Variants in SAMD4B observed in about 807,000 individuals in gnomAD.
SAMD4B encodes sterile alpha motif domain containing 4B, also known as protein Smaug homolog 2.
A neutral mutation model predicts 74.5 loss-of-function variants in SAMD4B; 5 were observed. The observed-to-expected ratio is 0.07, with a 90% CI of 0.04 to 0.14. The LOEUF is 0.14. Ranked by LOEUF, SAMD4B falls within the 10% of genes least tolerant of loss-of-function variation. The pLI is 1.00. For missense variants in SAMD4B, 608 were observed against 921.8 expected (o/e 0.66, Z 4.41); for synonymous variants, 373 against 374.9 (o/e 1.00, Z 0.06).
intron 3 of SAMD4B, among the ~76,000 whole-genome samples, chr19:39,358,780 G>A (rs1266088935): frequency 6.6e-6 from 1 of 152,112 alleles, no homozygotes; most frequent in Non-Finnish European, 1.5e-5. Context: ...AACCCCATGA[G>A]GTAGGTCCTG....
chr19:39,388,310 G>A (rs758206371), downstream of SAMD4B: 13 of 1,613,108 alleles, frequency 8.1e-6, no homozygotes, highest in South Asian at 8.8e-5. Flanking sequence ...CACAGATCCA[G>A]GCTAATCAGA....
At chr19:39,373,171 C>G (rs958331646) in intron 4 of SAMD4B, among the ~76,000 whole-genome samples, 2 of 152,186 alleles carry the variant, frequency 1.3e-5, no homozygotes, top group Non-Finnish European at 2.9e-5. Flanking sequence ...CTGTCAACTC[C>G]CGTGGGAACT....
At chr19:39,368,131 A>G (rs1011641167) in intron 3 of SAMD4B, among the ~76,000 whole-genome samples, 1 of 151,950 alleles carries the variant, frequency 6.6e-6, no homozygotes, top group Non-Finnish European at 1.5e-5. Flanking sequence ...GTAGAATGGC[A>G]TGAACTCAGA....
chr19:39,343,320 T>G (rs1268771154), intron 1 of SAMD4B, among the ~76,000 whole-genome samples: 1 of 144,138 alleles, frequency 6.9e-6, no homozygotes, highest in Non-Finnish European at 1.5e-5. Flanking sequence ...CATTTCTGAT[T>G]CCCCCTCCCA....
downstream of SAMD4B, chr19:39,386,683 G>T: frequency 6.2e-7 from 1 of 1,609,318 alleles, no homozygotes; most frequent in Non-Finnish European, 8.5e-7. This position sits in a 1 kb window ranked among gnomAD's most constrained non-coding sequence, Gnocchi z 6.1. Context: ...TGAGCCAGTG[G>T]TGCTTGTTAC....
At chr19:39,373,203 C>G (rs2077407943) in intron 4 of SAMD4B, among the ~76,000 whole-genome samples, 1 of 152,234 alleles carries the variant, frequency 6.6e-6, no homozygotes, top group African/African-American at 2.4e-5. Context: ...CTTCAGCTCC[C>G]TGGGCCTTGA....
chr19:39,349,005 T>C (rs900085227), intron 1 of SAMD4B, among the ~76,000 whole-genome samples: 5 of 152,192 alleles, frequency 3.3e-5, no homozygotes, highest in Non-Finnish European at 7.3e-5. Flanking sequence ...ACACCCACAT[T>C]ACAGATGACA....
At chr19:39,371,423 C>T (rs2077288756) in intron 4 of SAMD4B, among the ~76,000 whole-genome samples, 1 of 152,180 alleles carries the variant, frequency 6.6e-6, no homozygotes, top group South Asian at 2.1e-4. Flanking sequence ...TTTCAGGAAA[C>T]TTAGCAACCT....
intron 3 of SAMD4B, among the ~76,000 whole-genome samples, chr19:39,358,950 G>A (rs892518612): frequency 2.6e-5 from 4 of 152,214 alleles, no homozygotes; most frequent in Non-Finnish European, 4.4e-5. Flanking sequence ...AGTCACAGAA[G>A]CAGCATGATT....
chr19:39,385,176 T>A lies in SAMD4B; in HGVS notation c.*1649T>A. The A allele has an allele frequency of 2.1e-5, 3 of 144,974 alleles. No individual in the cohort carries two copies. The highest frequency in any genetic ancestry group is 2.0e-4 in the East Asian group (1 of 5,088). The allele number at this position is 144,974 out of a possible 1,614,324, so 9.0% of individuals were successfully genotyped here. On this transcript the variant is annotated 3_prime_UTR_variant, in exon 14 of 14. Coordinates refer to ENST00000610417, the MANE Select transcript of SAMD4B (RefSeq NM_001384574.2). ...CTATGCAAGTCCCCCACCCCGGCCC[T>A]CCATGTTTCTGTGCCTTTGCTCATC...
rs1226995144 is a variant in SAMD4B, at chr19:39,370,057, A to C, written c.599A>C (p.His200Pro). The C allele has an allele frequency of 6.2e-7, 1 of 1,612,066 alleles. No homozygotes were observed. Among genetic ancestry groups the C allele is most frequent in the South Asian group, 1.1e-5 (1 of 90,686 alleles). The change falls in exon 4 of 14, where the codon CAC (histidine) becomes CCC (proline). Residue 200 changes from histidine (H) to proline (P), a missense_variant. Transcript: ENST00000610417. ...WQDKPPRENGHVPFHPSSSVP... is the reference protein window; with the variant it reads ...WQDKPPRENGPVPFHPSSSVP... Reference sequence around the variant, plus strand: ...GACAAGCCACCCCGGGAAAATGGACACGTGCCCTTCCACCCATCCAGCTCA... The same window carrying C: ...GACAAGCCACCCCGGGAAAATGGACCCGTGCCCTTCCACCCATCCAGCTCA...
chr19:39,388,245 C>A, downstream of SAMD4B: 1 of 1,259,120 alleles, frequency 7.9e-7, no homozygotes, highest in Non-Finnish European at 1.1e-6. Context: ...ATGACAAATT[C>A]TTAGGTACAA....
rs974785041 is a variant in SAMD4B at position 39,378,858 on chromosome 19, C to T, written c.1530+269C>T. Among the ~76,000 whole-genome samples, 4 of 152,198 alleles carry T rather than the reference C, an allele frequency of 2.6e-5. No individual in the cohort carries two copies. The highest frequency in any genetic ancestry group is 4.8e-5 in the African/African-American group (2 of 41,452). On this transcript the variant is annotated intron_variant, in intron 9 of 13. Coordinates refer to ENST00000610417, the MANE Select transcript of SAMD4B (RefSeq NM_001384574.2). The surrounding 1 kb of genome is among the most constrained non-coding windows in gnomAD (Gnocchi z 4.4). ...GGTGGAGCTTGTGGTGAGCCAAGAT[C>T]GCGCCACTGCACTCCAGCCTGGACG... is the stretch of plus-strand genomic sequence containing the variant.
Position 39,377,727 on chromosome 19 carries a change from T to C in SAMD4B, c.1347T>C (p.Pro449=), listed in dbSNP as rs1166879162. Residue 449 remains proline (P), a synonymous_variant, in exon 8 of 14, where the codon CCT becomes CCC. Transcript: ENST00000610417. Reference sequence around the variant, plus strand: ...CTCCAGCTGTGGAGAACTACCCACCTCCACCAGCTCCAGCTCCCACTGATG... The same window carrying C: ...CTCCAGCTGTGGAGAACTACCCACCCCCACCAGCTCCAGCTCCCACTGATG... ...KDPPAVENYP[P]PPAPAPTDGS... 2.5e-6 allele frequency: 4 copies of C among 1,614,018 alleles called. No homozygotes were observed. Among genetic ancestry groups the C allele is most frequent in the Non-Finnish European group, 3.4e-6 (4 of 1,180,000 alleles).
downstream of SAMD4B, chr19:39,385,852 T>TA (rs1315682817): frequency 1.6e-6 from 2 of 1,286,616 alleles, no homozygotes; most frequent in African/African-American, 3.0e-5. Context: ...GGAGGGGAAG[T>TA]AAAGAGAAGT....
chr19:39,356,996 C>T lies in SAMD4B; in HGVS notation c.103C>T (p.Arg35Cys). 4 of 1,614,022 alleles carry T rather than the reference C, an allele frequency of 2.5e-6. No individual in the cohort carries two copies. Among genetic ancestry groups the T allele is most frequent in the Non-Finnish European group, 3.4e-6 (4 of 1,179,982 alleles). The change falls in exon 3 of 14, where the codon CGT (arginine) becomes TGT (cysteine). Residue 35 changes from arginine (R) to cysteine (C), a missense_variant. Arg to Cys is a radical substitution (Grantham distance 180). This residue lies in a region of SAMD4B where 74 missense variants were observed against 182.0 expected (regional missense o/e 0.41). Coordinates refer to ENST00000610417, the MANE Select transcript of SAMD4B (RefSeq NM_001384574.2). ...CCTGTCACTTCTGAAACGGGTCACC[C>T]GTACCCAGGCCCGCTTCCTGCAGCT... Reference protein sequence around the residue: ...ALLSLLKRVTRTQARFLQLCL... With the variant: ...ALLSLLKRVTCTQARFLQLCL...
Position 39,380,971 on chromosome 19 carries a change from C to T in SAMD4B, c.1849-19C>T, listed in dbSNP as rs1166893265. 2.5e-6 allele frequency: 4 copies of T among 1,589,190 alleles called. No homozygotes were observed. In the African/African-American group the frequency reaches 4.0e-5, roughly 16 times the overall value. On this transcript the variant is annotated intron_variant, in intron 11 of 13. Coordinates refer to ENST00000610417, the MANE Select transcript of SAMD4B (RefSeq NM_001384574.2). ...CTCTTCTGCACTCACTACTTTCTCT[C>T]TTCCTGGGACCTGTGTAGAACCTGT... is the stretch of plus-strand genomic sequence containing the variant.
chr19:39,369,758 G>A lies in SAMD4B; in HGVS notation c.300G>A (p.Glu100=). 1 of 1,614,212 alleles carries A rather than the reference G, an allele frequency of 6.2e-7. No homozygotes were observed. Among genetic ancestry groups the A allele is most frequent in the Non-Finnish European group, 8.5e-7 (1 of 1,180,038 alleles). ...LQPGNTEAKS[E]YMRLLQKVLA... ...CAGGCAACACAGAGGCCAAGTCGGA[G>A]TACATGAGGCTACTGCAGAAAGTGC... Residue 100 remains glutamate (E), a synonymous_variant, in exon 4 of 14, where the codon GAG becomes GAA. Coordinates refer to ENST00000610417, the MANE Select transcript of SAMD4B (RefSeq NM_001384574.2).
At chr19:39,370,458 C>T (rs1433046616) in intron 4 of SAMD4B, among the ~76,000 whole-genome samples, 1 of 152,182 alleles carries the variant, frequency 6.6e-6, no homozygotes, top group Non-Finnish European at 1.5e-5. Context: ...TCAACAAGAT[C>T]TGTTTTCCTA....
Sources: gnomAD v4.1 joint callset for allele counts (sites outside exome capture counted in the v4.1 genomes callset) on GRCh38, gnomAD v4.1.1 for gene constraint, gnomAD v4.1.1 regional missense constraint, Gnocchi (gnomAD v3.1) non-coding constraint, MANE v1.5 for transcripts, NCBI Gene and HGNC (gene_info 2026-07-23, HGNC 2026-07-21) for gene names.